BRWD1: variants seen among roughly 807,000 people sequenced by gnomAD.
BRWD1 encodes the protein bromodomain and WD repeat domain containing 1.
In BRWD1, 82 loss-of-function variants were observed where a neutral mutation model predicts 251.2. That is an observed-to-expected ratio of 0.33 (90% CI 0.27 to 0.39). The LOEUF is 0.39. Among genes scored for constraint, BRWD1 ranks in the 10% least tolerant of loss-of-function variants. The probability of loss-of-function intolerance (pLI) is 1.00; values close to 1 mark genes in which losing one functional copy is unlikely to be tolerated. For missense variants in BRWD1, 2,233 were observed against 2,711.6 expected (o/e 0.82, Z 3.92); for synonymous variants, 918 against 902.8 (o/e 1.02, Z -0.30).
At chr21:39,290,052 C>G (rs902098054) in intron 8 of BRWD1, among the ~76,000 whole-genome samples, 6 of 151,314 alleles carry the variant, frequency 4.0e-5, no homozygotes, top group African/African-American at 1.5e-4. Flanking sequence ...AGCTAGCAAT[C>G]AGTCTTCTTA....
Position 39,187,045 on chromosome 21 carries a change from C to T in BRWD1, c.*9214G>A, listed in dbSNP as rs745545595. The T allele has an allele frequency of 1.9e-6, 3 of 1,567,208 alleles. No homozygotes were observed. The Admixed American group carries it at 6.0e-5, about 32-fold the overall frequency. On this transcript the variant is annotated 3_prime_UTR_variant, in exon 41 of 41. Coordinates refer to ENST00000342449, the MANE Select transcript of BRWD1 (RefSeq NM_033656.4). ...TAGTCACTATTGTGCATTTTCTTTC[C>T]AGGATCTGAACCCCCTTAAAAAAAG...
chr21:39,272,604 A>G (rs571032771), intron 13 of BRWD1, among the ~76,000 whole-genome samples: 3 of 143,586 alleles, frequency 2.1e-5, no homozygotes, highest in South Asian at 2.2e-4. Flanking sequence ...AAGTAATAAC[A>G]TTGCTTTTTT....
intron 17 of BRWD1, among the ~76,000 whole-genome samples, chr21:39,260,556 AT>A (rs914094028): frequency 6.6e-6 from 1 of 152,254 alleles, no homozygotes; most frequent in African/African-American, 2.4e-5. Flanking sequence ...GGTTCTACCC[AT>A]GAAAACTTAA....
Position 39,218,791 on chromosome 21 carries a change from G to A in BRWD1, c.3383-131C>T, listed in dbSNP as rs73357862. ...ACAGTCAAAAATAGAGTTCAAATGT[G>A]CAACTCTTTTAAAATTACTCATTGA... On this transcript the variant is annotated intron_variant, in intron 29 of 40. Transcript: ENST00000342449. The A allele has an allele frequency of 5.4e-3, 3,653 of 670,744 alleles. 102 individuals carry two copies. The African/African-American group carries it at 0.063, about 12-fold the overall frequency. The allele number at this position is 670,744 out of a possible 1,614,324, so 41.5% of individuals were successfully genotyped here.
rs1320264489 is a variant in BRWD1, at chr21:39,278,828, G to A, written c.933-15C>T. The A allele has an allele frequency of 1.3e-6, 2 of 1,565,152 alleles. No homozygotes were observed. Among genetic ancestry groups the A allele is most frequent in the Admixed American group, 2.0e-5 (1 of 50,790 alleles). ...GGGGACGTGGGCTTTAAAAGAAGAAGATGCTGCTTTAAAATAGATTATTTT... is the reference window on the plus strand; with the variant it reads ...GGGGACGTGGGCTTTAAAAGAAGAAAATGCTGCTTTAAAATAGATTATTTT... On this transcript the variant is annotated splice_polypyrimidine_tract_variant and intron_variant, in intron 9 of 40. Coordinates refer to ENST00000342449, the MANE Select transcript of BRWD1 (RefSeq NM_033656.4).
intron 13 of BRWD1, among the ~76,000 whole-genome samples, chr21:39,271,364 T>C (rs1469352251): frequency 3.3e-5 from 5 of 151,120 alleles, no homozygotes; most frequent in African/African-American, 4.9e-5. Flanking sequence ...GAAGGCCTAA[T>C]GGTTCTGAAA....
intron 8 of BRWD1, among the ~76,000 whole-genome samples, chr21:39,289,045 T>G (rs566122000): frequency 6.6e-6 from 1 of 152,364 alleles, no homozygotes; most frequent in South Asian, 2.1e-4. Context: ...AGAATATACT[T>G]AGAATTATTT....
At chr21:39,313,356 C>T (rs2036582652) in intron 1 of BRWD1, 57 bp from the exon 2 acceptor site, 20 of 1,476,582 alleles carry the variant, frequency 1.4e-5, no homozygotes, top group Non-Finnish European at 1.8e-5. Context: ...GGGGACGGGG[C>T]CAGGGGAGCC....
At chr21:39,312,947 G>T in intron 3 of BRWD1, 47 bp from the exon 4 acceptor site, 1 of 316,012 alleles carries the variant, frequency 3.2e-6, no homozygotes, top group Non-Finnish European at 4.8e-6. Context: ...TCCGGCGCGG[G>T]GGGGGCGGGG....
chr21:39,274,310 AG>A, intron 13 of BRWD1, 63 bp downstream of exon 13: 1 of 1,115,260 alleles, frequency 9.0e-7, no homozygotes. Context: ...AGAGCGAGAG[AG>A]AGAGAGAGAG....
intron 4 of BRWD1, among the ~76,000 whole-genome samples, chr21:39,300,346 C>G (rs757513276): frequency 1.3e-5 from 2 of 152,168 alleles, no homozygotes; most frequent in Admixed American, 6.5e-5. Flanking sequence ...CAAGGCAGAG[C>G]GAACTCTGTA....
At chr21:39,299,619 G>A (rs2036053752) in intron 4 of BRWD1, among the ~76,000 whole-genome samples, 1 of 152,042 alleles carries the variant, frequency 6.6e-6, no homozygotes, top group South Asian at 2.1e-4. Context: ...CATCACAGCT[G>A]AAGAAACAAA....
upstream of BRWD1, chr21:39,314,203 C>T: frequency 4.4e-6 from 2 of 455,950 alleles, no homozygotes; most frequent in South Asian, 3.1e-5. Flanking sequence ...CAGAGGGGAA[C>T]GCCGCCCGGA....
chr21:39,201,031 T>C (rs1185249882), intron 38 of BRWD1, among the ~76,000 whole-genome samples: 1 of 152,182 alleles, frequency 6.6e-6, no homozygotes, highest in Non-Finnish European at 1.5e-5. Context: ...CTCCCTTCTG[T>C]GATATCAGAT....
upstream of BRWD1, chr21:39,314,499 G>A: frequency 2.7e-6 from 1 of 366,914 alleles, no homozygotes; most frequent in South Asian, 2.0e-5. Flanking sequence ...GGAAACTAGG[G>A]AGTCATGTGC....
At chr21:39,310,959 A>G (rs560428970) in intron 4 of BRWD1, among the ~76,000 whole-genome samples, 6 of 152,312 alleles carry the variant, frequency 3.9e-5, no homozygotes, top group African/African-American at 1.4e-4. Flanking sequence ...GAGGCTCATC[A>G]TCACTCAGTC....
chr21:39,305,071 T>C (rs2036243796), intron 4 of BRWD1, among the ~76,000 whole-genome samples: 1 of 150,102 alleles, frequency 6.7e-6, no homozygotes, highest in African/African-American at 2.5e-5. Flanking sequence ...GCAATTCTCC[T>C]GCCTCAACCT....
intron 8 of BRWD1, 128 bp downstream of exon 8, chr21:39,293,683 T>A: frequency 5.7e-6 from 4 of 705,198 alleles, no homozygotes; most frequent in Non-Finnish European, 9.3e-6. Flanking sequence ...TTTGTATGAA[T>A]GATTATCACT....
intron 40 of BRWD1, 144 bp from the exon 41 acceptor site, chr21:39,197,559 CAT>C (rs1284988556): frequency 7.0e-5 from 46 of 656,286 alleles, no homozygotes; most frequent in Non-Finnish European, 7.6e-6. Flanking sequence ...TTAGTATAGT[CAT>C]ATGTTGCTCA....
Sources: gnomAD v4.1 joint callset for allele counts (sites outside exome capture counted in the v4.1 genomes callset) on GRCh38, gnomAD v4.1.1 for gene constraint, MANE v1.5 for transcripts, NCBI Gene and HGNC (gene_info 2026-07-23, HGNC 2026-07-21) for gene names.